The following MARCHF7 variants were observed in gnomAD, a reference collection of about 807,000 sequenced individuals.
The protein encoded by MARCHF7 is E3 ubiquitin-protein ligase MARCHF7.
Under a neutral mutation model 76.5 loss-of-function variants are expected in MARCHF7, and 20 were observed. The observed-to-expected ratio is 0.26, with a 90% CI of 0.18 to 0.38. The LOEUF is 0.38. Among genes scored for constraint, MARCHF7 ranks in the 10% least tolerant of loss-of-function variants. The pLI is 1.00. For synonymous variants in MARCHF7, 295 were observed against 293.0 expected (o/e 1.01, Z -0.07); for missense variants, 797 against 812.9 (o/e 0.98, Z 0.24).
At chr2:159,715,310 A>C (rs1341105887) in intron 2 of MARCHF7, among the ~76,000 whole-genome samples, 1 of 152,188 alleles carries the variant, frequency 6.6e-6, no homozygotes, top group African/African-American at 2.4e-5. Flanking sequence ...AGGATGAGCC[A>C]AAAAGTCTGA....
At chr2:159,745,986 C>T (rs1704828328) in intron 6 of MARCHF7, 49 bp downstream of exon 6, 1 of 1,484,520 alleles carries the variant, frequency 6.7e-7, no homozygotes, top group African/African-American at 1.4e-5. Context: ...TTCCATTTTC[C>T]TCTTTATGCA....
rs201117508 is a variant in MARCHF7, at chr2:159,724,868, TC to T, written c.-14-4138del. 4.5e-4 allele frequency among the ~76,000 whole-genome samples: 68 copies of T among 152,296 alleles called. No individual in the cohort carries two copies. The East Asian group carries it at 0.013, about 29-fold the overall frequency. On this transcript the variant is annotated intron_variant, in intron 3 of 11. Coordinates refer to ENST00000409175, the MANE Select transcript of MARCHF7 (RefSeq NM_001282805.2). ...TAAAACAGGCCCCAGTGTGTGATGT[TC>T]CCTGCCCTGTGTCCAAGTGTTCTCA...
intron 3 of MARCHF7, among the ~76,000 whole-genome samples, chr2:159,718,937 C>T (rs1435703332): frequency 1.3e-5 from 2 of 152,110 alleles, no homozygotes; most frequent in Admixed American, 1.3e-4. Flanking sequence ...CCACACTGCT[C>T]TCCAAAACTG....
chr2:159,732,013 A>G (rs946864606), intron 4 of MARCHF7, among the ~76,000 whole-genome samples: 10 of 152,116 alleles, frequency 6.6e-5, no homozygotes, highest in Non-Finnish European at 1.3e-4. Flanking sequence ...CTGAGGCAGG[A>G]GAATGGCATG....
At chr2:159,735,942 A>G (rs1265283477) in intron 4 of MARCHF7, among the ~76,000 whole-genome samples, 1 of 152,152 alleles carries the variant, frequency 6.6e-6, no homozygotes, top group Non-Finnish European at 1.5e-5. Flanking sequence ...AGCCTAGGCA[A>G]TATAGTGATA....
In MARCHF7 at chr2:159,729,116, A is replaced by C. The variant is rs1333369207; in HGVS notation, c.94A>C (p.Ser32Arg). The C allele has an allele frequency of 6.2e-7, 1 of 1,611,204 alleles. No individual in the cohort carries two copies. Among genetic ancestry groups the C allele is most frequent in the South Asian group, 1.1e-5 (1 of 90,598 alleles). The change falls in exon 4 of 12, where the codon AGT becomes CGT. Residue 32 changes from serine to arginine, a missense_variant. By Grantham distance (110) the Ser-to-Arg change is moderately radical (BLOSUM62 -1). This residue lies in a region of MARCHF7 where 643 missense variants were observed against 631.5 expected (regional missense o/e 1.02). Coordinates refer to ENST00000409175, the MANE Select transcript of MARCHF7 (RefSeq NM_001282805.2). Reference sequence around the variant, plus strand: ...GATGATGTCTGGAAGCAGAGGAAGTAGTTTAAATGATACCTATCACTCAAG... The same window carrying C: ...GATGATGTCTGGAAGCAGAGGAAGTCGTTTAAATGATACCTATCACTCAAG... ...ARMMSGSRGSSLNDTYHSRDS... is the reference protein window; with the variant it reads ...ARMMSGSRGSRLNDTYHSRDS...
intron 1 of MARCHF7, among the ~76,000 whole-genome samples, chr2:159,713,010 G>A (rs1700420797): frequency 6.6e-6 from 1 of 152,248 alleles, no homozygotes; most frequent in African/African-American, 2.4e-5. Flanking sequence ...AGCCCTGCGG[G>A]CCGCGGGTGT....
intron 3 of MARCHF7, among the ~76,000 whole-genome samples, chr2:159,720,927 G>A (rs1312427415): frequency 2.0e-5 from 3 of 151,998 alleles, no homozygotes; most frequent in Admixed American, 6.6e-5. Context: ...GCATGATCTC[G>A]GCTCTCTGCA....
At chr2:159,742,333 G>T (rs1236260942) in intron 4 of MARCHF7, among the ~76,000 whole-genome samples, 1 of 151,650 alleles carries the variant, frequency 6.6e-6, no homozygotes, top group African/African-American at 2.4e-5. Flanking sequence ...GGATAAATTT[G>T]TTATTAGTTG....
intron 1 of MARCHF7, 192 bp downstream of exon 1, chr2:159,712,798 G>C (rs1270085184): frequency 6.6e-6 from 1 of 152,616 alleles, no homozygotes; most frequent in Non-Finnish European, 1.5e-5. Flanking sequence ...GAGAAGCTTG[G>C]TCCGGGGCCA....
chr2:159,729,062 G>C lies in MARCHF7; in HGVS notation c.40G>C (p.Val14Leu). The C allele has an allele frequency of 1.2e-6, 2 of 1,604,036 alleles. No homozygotes were observed. The highest frequency in any genetic ancestry group is 3.6e-4 in the Middle Eastern group (2 of 5,564). Reference sequence around the variant, plus strand: ...TTCAAGGATTCCAAGAAGAATTTCTGTTCAACCTTCCAGCTCCTTAAGTGC... The same window carrying C: ...TTCAAGGATTCCAAGAAGAATTTCTCTTCAACCTTCCAGCTCCTTAAGTGC... ...KPSRIPRRIS[V>L]QPSSSLSARM... The change falls in exon 4 of 12, where the codon GTT (valine) becomes CTT (leucine). Residue 14 changes from valine (V) to leucine (L), a missense_variant. Val to Leu is a conservative substitution (Grantham distance 32). Transcript: ENST00000409175.
chr2:159,721,651 T>A (rs1316930548), intron 3 of MARCHF7, among the ~76,000 whole-genome samples: 1 of 152,186 alleles, frequency 6.6e-6, no homozygotes, highest in African/African-American at 2.4e-5. Flanking sequence ...CCTTACACAC[T>A]CAATACCAGT....
Position 159,754,940 on chromosome 2 carries a change from A to G in MARCHF7, c.1783+2369A>G, listed in dbSNP as rs60466194. Among the ~76,000 whole-genome samples the G allele has an allele frequency of 7.3e-3, 1,115 of 152,332 alleles. 19 individuals carry two copies. Among genetic ancestry groups the G allele is most frequent in the African/African-American group, 0.026 (1,066 of 41,570 alleles). Reference sequence around the variant, plus strand: ...GGATTTCCAGATTGTATTAGTGTCTATAAAAGTGATTTTAAAGTGAGGTAC... The same window carrying G: ...GGATTTCCAGATTGTATTAGTGTCTGTAAAAGTGATTTTAAAGTGAGGTAC... On this transcript the variant is annotated intron_variant, in intron 8 of 11. Coordinates refer to ENST00000409175, the MANE Select transcript of MARCHF7 (RefSeq NM_001282805.2).
chr2:159,736,886 T>G (rs1350960875), intron 4 of MARCHF7, among the ~76,000 whole-genome samples: 1 of 152,240 alleles, frequency 6.6e-6, no homozygotes, highest in East Asian at 1.9e-4. Flanking sequence ...CTATATAGTA[T>G]TTCAGCTACT....
chr2:159,764,934 C>T (rs1707586060), intron 11 of MARCHF7, among the ~76,000 whole-genome samples: 1 of 149,594 alleles, frequency 6.7e-6, no homozygotes, highest in Non-Finnish European at 1.5e-5. Context: ...TATTGTTGAT[C>T]ACCTTGATTT....
chr2:159,751,353 C>T (rs1351354556), intron 7 of MARCHF7, among the ~76,000 whole-genome samples: 1 of 152,004 alleles, frequency 6.6e-6, no homozygotes, highest in East Asian at 1.9e-4. Flanking sequence ...TTTCCTCATA[C>T]CTAAGGATTT....
rs1471687992 is a variant in MARCHF7 at position 159,767,392 on chromosome 2, A to T, written c.*50A>T. ...CTGTGAACATAAGTGTTTATTAAAA[A>T]TGGCAATTAAATATAAATTACTTTT... On this transcript the variant is annotated 3_prime_UTR_variant, in exon 12 of 12. Coordinates refer to ENST00000409175, the MANE Select transcript of MARCHF7 (RefSeq NM_001282805.2). 7.2e-7 allele frequency: 1 copy of T among 1,389,774 alleles called. No individual in the cohort carries two copies. The highest frequency in any genetic ancestry group is 2.3e-5 in the East Asian group (1 of 43,494). 86.1% of individuals were successfully genotyped at this position (1,389,774 alleles called of 1,614,324 possible).
chr2:159,764,798 A>G, intron 11 of MARCHF7, 124 bp downstream of exon 11: 1 of 541,346 alleles, frequency 1.8e-6, no homozygotes, highest in Non-Finnish European at 3.1e-6. Flanking sequence ...AGTAATACCA[A>G]AATGATTGAT....
At chr2:159,714,426 G>A (rs1164916565) in intron 1 of MARCHF7, 131 bp from the exon 2 acceptor site, 2 of 152,156 alleles carry the variant, frequency 1.3e-5, no homozygotes, top group Non-Finnish European at 2.9e-5. Context: ...TTCTGTGGGA[G>A]CATAGGGGAG....
Sources: gnomAD v4.1 joint callset for allele counts (sites outside exome capture counted in the v4.1 genomes callset) on GRCh38, gnomAD v4.1.1 for gene constraint, gnomAD v4.1.1 regional missense constraint, MANE v1.5 for transcripts, NCBI Gene and HGNC (gene_info 2026-07-23, HGNC 2026-07-21) for gene names.